Variants in CNTNAP5 observed in about 807,000 individuals in gnomAD.
CNTNAP5 encodes the protein contactin-associated protein-like 5.
A neutral mutation model predicts 150.2 loss-of-function variants in CNTNAP5; 72 were observed. The observed-to-expected ratio is 0.48, with a 90% confidence interval of 0.40 to 0.58. The LOEUF is 0.58. Ranked by LOEUF, CNTNAP5 falls within the 20% of genes least tolerant of loss-of-function variation. The pLI, the probability that CNTNAP5 is intolerant of heterozygous loss-of-function variation, is 0.00. For missense variants in CNTNAP5, 1,636 were observed against 1,626.2 expected (o/e 1.01, Z -0.10); for synonymous variants, 672 against 619.8 (o/e 1.08, Z -1.25).
At chr2:124,391,118 A>G (rs765647089) in intron 3 of CNTNAP5, among the ~76,000 whole-genome samples, 3 of 152,230 alleles carry the variant, frequency 2.0e-5, no homozygotes, top group African/African-American at 7.2e-5. Flanking sequence ...CTATATCTTC[A>G]TCTATGAGAT....
intron 13 of CNTNAP5, among the ~76,000 whole-genome samples, chr2:124,652,743 A>G (rs1678349618): frequency 6.6e-6 from 1 of 152,166 alleles, no homozygotes; most frequent in South Asian, 2.1e-4. Context: ...AATAGTCTCC[A>G]TGGTGCCTTG....
chr2:124,897,011 C>G (rs531940512), intron 21 of CNTNAP5, among the ~76,000 whole-genome samples: 2 of 151,590 alleles, frequency 1.3e-5, no homozygotes, highest in Admixed American at 1.3e-4. Context: ...TAACCATCTT[C>G]TATTCATCAT....
At chr2:124,751,258 TA>T (rs1408110059) in intron 14 of CNTNAP5, among the ~76,000 whole-genome samples, 2 of 152,086 alleles carry the variant, frequency 1.3e-5, no homozygotes, top group Non-Finnish European at 2.9e-5. Flanking sequence ...TGGGGAAATT[TA>T]AAATAATATA....
intron 21 of CNTNAP5, among the ~76,000 whole-genome samples, chr2:124,886,522 CA>C (rs1678083697): frequency 6.6e-6 from 1 of 151,940 alleles, no homozygotes; most frequent in African/African-American, 2.4e-5. Context: ...ATTCTGATGT[CA>C]AATCTGACCC....
At chr2:124,584,786 C>T (rs1243610835) in intron 11 of CNTNAP5, among the ~76,000 whole-genome samples, 2 of 152,158 alleles carry the variant, frequency 1.3e-5, no homozygotes, top group Non-Finnish European at 2.9e-5. Flanking sequence ...ACTAGGATAG[C>T]CCTTATTACT....
At chr2:124,448,269 A>AAATAAT (rs869148616) in intron 6 of CNTNAP5, among the ~76,000 whole-genome samples, 18,271 of 144,142 alleles carry the variant, frequency 0.13, 1,696 homozygotes, top group African/African-American at 0.25. Context: ...CTCCGTCTTA[A>AAATAAT]AATAATAATA....
At chr2:124,124,261 G>T (rs1160354168) in intron 1 of CNTNAP5, among the ~76,000 whole-genome samples, 4 of 152,156 alleles carry the variant, frequency 2.6e-5, no homozygotes, top group Non-Finnish European at 5.9e-5. Context: ...ACTATGTGAC[G>T]CATGTGCAAG....
chr2:124,504,265 A>C, intron 7 of CNTNAP5, 27 bp from the exon 8 acceptor site: 1 of 1,601,054 alleles, frequency 6.2e-7, no homozygotes, highest in East Asian at 2.2e-5. Context: ...AATGGCTTTT[A>C]TATGTTTGAC....
chr2:124,067,765 C>T (rs571547906), intron 1 of CNTNAP5, among the ~76,000 whole-genome samples: 3 of 152,192 alleles, frequency 2.0e-5, no homozygotes, highest in Admixed American at 6.5e-5. Context: ...ACACACTGTT[C>T]AATTATCTTT....
intron 19 of CNTNAP5, among the ~76,000 whole-genome samples, chr2:124,828,547 C>T (rs1466483456): frequency 6.6e-6 from 1 of 151,510 alleles, no homozygotes; most frequent in Non-Finnish European, 1.5e-5. Context: ...TAACTAAAAC[C>T]ATGCTTTGCC....
chr2:124,448,406 T>G (rs147228707), intron 6 of CNTNAP5, among the ~76,000 whole-genome samples: 1 of 152,284 alleles, frequency 6.6e-6, no homozygotes, highest in East Asian at 1.9e-4. Context: ...CTAAAGGTGC[T>G]CTGGAGGTAT....
chr2:124,742,583 G>A (rs1365770072), intron 13 of CNTNAP5, among the ~76,000 whole-genome samples: 2 of 151,242 alleles, frequency 1.3e-5, no homozygotes, highest in African/African-American at 4.9e-5. Context: ...TTCTTAGGAG[G>A]ATTTATAGAT....
At chr2:124,541,192 T>TTTTTTTTTTTTTTTTTTTTTTTC (rs1695375684) in intron 10 of CNTNAP5, among the ~76,000 whole-genome samples, 2 of 149,128 alleles carry the variant, frequency 1.3e-5, no homozygotes, top group Non-Finnish European at 3.0e-5. Flanking sequence ...TTTTTTTTTT[T>TTTTTTTTTTTTTTTTTTTTTTTC]TTTTGGTGAG....
intron 1 of CNTNAP5, among the ~76,000 whole-genome samples, chr2:124,134,000 G>T (rs959638532): frequency 2.0e-5 from 3 of 152,182 alleles, no homozygotes; most frequent in Admixed American, 1.3e-4. Flanking sequence ...GGCTAAAGTA[G>T]CCTCCTCTTT....
chr2:124,409,794 C>A (rs1298649382), intron 3 of CNTNAP5, among the ~76,000 whole-genome samples: 2 of 152,060 alleles, frequency 1.3e-5, no homozygotes, highest in African/African-American at 4.8e-5. Flanking sequence ...TAAAGACCAT[C>A]AAGACTAGGC....
chr2:124,910,108 G>A (rs2104767548), intron 22 of CNTNAP5, among the ~76,000 whole-genome samples: 1 of 151,668 alleles, frequency 6.6e-6, no homozygotes, highest in East Asian at 2.0e-4. Flanking sequence ...GGCCACCCCT[G>A]GACACCACAA....
chr2:124,337,849 T>A (rs551829950), intron 3 of CNTNAP5, among the ~76,000 whole-genome samples: 1 of 151,970 alleles, frequency 6.6e-6, no homozygotes, highest in Non-Finnish European at 1.5e-5. Context: ...ATTGACTTGG[T>A]GATGCGGGCT....
chr2:124,517,429 G>A (rs1023765810), intron 8 of CNTNAP5, among the ~76,000 whole-genome samples: 6 of 151,738 alleles, frequency 4.0e-5, no homozygotes, highest in South Asian at 2.1e-4. Context: ...TGTTGGTGAT[G>A]GGAGCTTGTG....
chr2:124,815,468 CA>C (rs1292435148), intron 19 of CNTNAP5, among the ~76,000 whole-genome samples: 1 of 152,124 alleles, frequency 6.6e-6, no homozygotes, highest in Non-Finnish European at 1.5e-5. Flanking sequence ...AAATCAAGGA[CA>C]AAGTGAAAAG....
Sources: gnomAD v4.1 joint callset for allele counts (sites outside exome capture counted in the v4.1 genomes callset) on GRCh38, gnomAD v4.1.1 for gene constraint, MANE v1.5 for transcripts, NCBI Gene and HGNC (gene_info 2026-07-23, HGNC 2026-07-21) for gene names.